The following MYO5A variants were observed in gnomAD, a reference collection of about 807,000 sequenced individuals.
The protein encoded by MYO5A is unconventional myosin-Va.
A neutral mutation model predicts 249.7 loss-of-function variants in MYO5A; 98 were observed. The observed-to-expected ratio is 0.39, with a 90% CI of 0.33 to 0.46. MYO5A has a LOEUF of 0.46. MYO5A is among the 20% of genes least tolerant of loss of function. The pLI is 0.98. For missense variants in MYO5A, 1,696 were observed against 2,308.8 expected, an observed-to-expected ratio of 0.73 and a Z score of 5.44; for synonymous variants, 778 against 810.6, an observed-to-expected ratio of 0.96 and a Z score of 0.68.
intron 33 of MYO5A, 50 bp downstream of exon 33, chr15:52,337,760 G>T (rs2039185440): frequency 2.2e-6 from 3 of 1,357,598 alleles, no homozygotes; most frequent in Admixed American, 2.1e-5. Flanking sequence ...GTTACAGAGG[G>T]CTATAAGTAG....
At chr15:52,356,303 C>G (rs539094423) in intron 25 of MYO5A, among the ~76,000 whole-genome samples, 3 of 152,016 alleles carry the variant, frequency 2.0e-5, no homozygotes, top group Non-Finnish European at 4.4e-5. Context: ...TAAGCTTTTA[C>G]AGAAAATTTA....
chr15:52,366,566 A>G (rs1043297694), intron 23 of MYO5A, among the ~76,000 whole-genome samples: 2 of 151,082 alleles, frequency 1.3e-5, no homozygotes, highest in African/African-American at 2.4e-5. Flanking sequence ...TCTATTTTAA[A>G]AATTAGTGTT....
chr15:52,496,102 A>G (rs930120572), intron 1 of MYO5A, among the ~76,000 whole-genome samples: 61 of 152,308 alleles, frequency 4.0e-4, no homozygotes, highest in Middle Eastern at 6.8e-3. Flanking sequence ...TGAAAAAAAA[A>G]AAGAAAATTA....
intron 1 of MYO5A, among the ~76,000 whole-genome samples, chr15:52,445,938 T>C (rs185609789): frequency 4.1e-4 from 63 of 152,342 alleles, no homozygotes; most frequent in Non-Finnish European, 1.2e-4. Flanking sequence ...AGTTGGAATA[T>C]ATATTTAAGC....
intron 27 of MYO5A, 48 bp downstream of exon 27, chr15:52,353,557 C>G (rs1830909410): frequency 6.4e-7 from 1 of 1,563,136 alleles, no homozygotes; most frequent in Non-Finnish European, 8.8e-7. Flanking sequence ...GAATGGGCCT[C>G]TTGCCAAAAC....
At chr15:52,418,637 C>T (rs1236910096) in intron 4 of MYO5A, among the ~76,000 whole-genome samples, 1 of 151,772 alleles carries the variant, frequency 6.6e-6, no homozygotes, top group Non-Finnish European at 1.5e-5. Flanking sequence ...TAGGAGAAAA[C>T]CAGGTTCTGT....
chr15:52,426,856 A>G (rs2075406285), intron 3 of MYO5A, among the ~76,000 whole-genome samples: 1 of 152,122 alleles, frequency 6.6e-6, no homozygotes, highest in African/African-American at 2.4e-5. Context: ...CCATTCAATA[A>G]ATCTCAGATT....
At chr15:52,343,460 G>A (rs1328453672) in intron 30 of MYO5A, among the ~76,000 whole-genome samples, 1 of 152,178 alleles carries the variant, frequency 6.6e-6, no homozygotes, top group Non-Finnish European at 1.5e-5. Context: ...AATAAGAAAT[G>A]ACTGGAAGGT....
At chr15:52,519,880 G>A (rs1346586307) in intron 1 of MYO5A, among the ~76,000 whole-genome samples, 2 of 151,850 alleles carry the variant, frequency 1.3e-5, no homozygotes, top group South Asian at 2.1e-4. Flanking sequence ...ACAGGCACAC[G>A]CCACCACGCC....
chr15:52,447,728 T>C (rs1405571299), intron 1 of MYO5A, among the ~76,000 whole-genome samples: 4 of 152,146 alleles, frequency 2.6e-5, no homozygotes, highest in Admixed American at 6.5e-5. Context: ...GAGGAACTTA[T>C]TGGGAACTGG....
chr15:52,421,626 G>T (rs1289861329), intron 4 of MYO5A, among the ~76,000 whole-genome samples: 1 of 152,100 alleles, frequency 6.6e-6, no homozygotes, highest in East Asian at 1.9e-4. Flanking sequence ...ATTTCCAGGG[G>T]AAAGTCTACA....
chr15:52,404,397 G>T (rs2042906833), intron 9 of MYO5A, among the ~76,000 whole-genome samples: 1 of 150,816 alleles, frequency 6.6e-6, no homozygotes, highest in Admixed American at 6.6e-5. Flanking sequence ...GAAAACACAA[G>T]AAATAGATTC....
chr15:52,383,034 G>T (rs894766328), intron 16 of MYO5A, 57 bp downstream of exon 16: 2 of 1,418,074 alleles, frequency 1.4e-6, no homozygotes, highest in African/African-American at 2.8e-5. Flanking sequence ...TGCTTGGCTG[G>T]TTTGGCACTT....
At chr15:52,509,216 C>G (rs2077340345) in intron 1 of MYO5A, among the ~76,000 whole-genome samples, 1 of 152,200 alleles carries the variant, frequency 6.6e-6, no homozygotes, top group African/African-American at 2.4e-5. Flanking sequence ...AAGCAATCCA[C>G]TTGCTTCAGC....
upstream of MYO5A, chr15:52,528,911 A>C: frequency 9.9e-7 from 1 of 1,012,044 alleles, no homozygotes; most frequent in Non-Finnish European, 1.2e-6. Flanking sequence ...GGCAGGGAGC[A>C]GGGCAGGGCA....
chr15:52,351,703 C>G (rs2039963422), intron 27 of MYO5A, among the ~76,000 whole-genome samples: 1 of 152,142 alleles, frequency 6.6e-6, no homozygotes, highest in South Asian at 2.1e-4. Flanking sequence ...CTTCATCAGC[C>G]CAAATTCCAG....
chr15:52,338,640 G>A (rs2039235526), intron 32 of MYO5A, among the ~76,000 whole-genome samples: 1 of 152,152 alleles, frequency 6.6e-6, no homozygotes, highest in African/African-American at 2.4e-5. Flanking sequence ...AGGAGAAGCA[G>A]CTGACCTACA....
intron 1 of MYO5A, among the ~76,000 whole-genome samples, chr15:52,519,616 AAAT>A (rs976995501): frequency 1.3e-4 from 8 of 61,598 alleles, no homozygotes; most frequent in African/African-American, 3.4e-4. Context: ...TGTCTAAAAA[AAAT>A]AATAATAATA....
At position 52,490,135 on chromosome 15, in the gene MYO5A, C is replaced by T. The variant is rs565485487; in HGVS notation, c.27+38645G>A. ...CTGGAGAAATTAGAACCTCTGCACC[C>T]TGGTAATGTAAAATGGTGCAGCCAG... On this transcript the variant is annotated intron_variant, in intron 1 of 41. Transcript: ENST00000399233. Among the ~76,000 whole-genome samples, 4 of 152,304 alleles carry T rather than the reference C, an allele frequency of 2.6e-5. No homozygotes were observed. The South Asian group carries it at 8.3e-4, about 32-fold the overall frequency.
Sources: gnomAD v4.1 joint callset for allele counts (sites outside exome capture counted in the v4.1 genomes callset) on GRCh38, gnomAD v4.1.1 for gene constraint, MANE v1.5 for transcripts, NCBI Gene and HGNC (gene_info 2026-07-23, HGNC 2026-07-21) for gene names.